MYO5B: variants seen among roughly 807,000 people sequenced by gnomAD.
MYO5B encodes myosin VB.
In MYO5B, 143 loss-of-function variants were observed where a neutral mutation model predicts 229.3. That is an observed-to-expected ratio of 0.62 (90% confidence interval 0.54 to 0.72). The LOEUF (loss-of-function observed/expected upper bound fraction) is 0.72. Among genes scored for constraint, MYO5B ranks in the 30% least tolerant of loss-of-function variants. MYO5B has a pLI of 0.00. For missense variants in MYO5B, 2,321 were observed against 2,331.0 expected, an observed-to-expected ratio of 1.00 and a Z score of 0.09; for synonymous variants, 918 against 885.2, an observed-to-expected ratio of 1.04 and a Z score of -0.66.
At chr18:49,887,938 A>G (rs9304390) in intron 22 of MYO5B, among the ~76,000 whole-genome samples, 88,194 of 151,730 alleles carry the variant, frequency 0.58, 25,779 homozygotes, top group Middle Eastern at 0.67. Flanking sequence ...CACCCACCTC[A>G]GCCTCCCAAA....
intron 9 of MYO5B, among the ~76,000 whole-genome samples, 187 bp from the exon 10 acceptor site, chr18:49,974,802 C>CACACACACACACACACACACAA (rs2025731824): frequency 6.7e-6 from 1 of 148,554 alleles, no homozygotes; most frequent in South Asian, 2.1e-4. Flanking sequence ...CACACAGACA[C>CACACACACACACACACACACAA]ACACACACAC....
chr18:50,085,518 G>A (rs1253006909), intron 1 of MYO5B, among the ~76,000 whole-genome samples: 2 of 151,878 alleles, frequency 1.3e-5, no homozygotes, highest in African/African-American at 4.8e-5. Context: ...GATTCCTCAG[G>A]GATCTAGAAC....
intron 14 of MYO5B, among the ~76,000 whole-genome samples, chr18:49,948,823 G>A (rs1336152511): frequency 3.3e-5 from 5 of 152,098 alleles, no homozygotes; most frequent in South Asian, 2.1e-4. Flanking sequence ...CTGTTCCTGC[G>A]ACTCCTGTGC....
At chr18:49,878,211 G>A (rs115880615) in intron 24 of MYO5B, among the ~76,000 whole-genome samples, 3 of 152,082 alleles carry the variant, frequency 2.0e-5, no homozygotes, top group Admixed American at 2.0e-4. Flanking sequence ...CTTCTCCCTT[G>A]AAAGGAATGT....
At position 49,962,317 on chromosome 18, in the gene MYO5B, G is replaced by T; in HGVS notation, c.1494C>A (p.Asp498Glu). 6.2e-7 allele frequency: 1 copy of T among 1,614,170 alleles called. No individual in the cohort carries two copies. Among genetic ancestry groups the T allele is most frequent in the Non-Finnish European group, 8.5e-7 (1 of 1,180,018 alleles). Residue 498 changes from aspartate to glutamate, a missense_variant, in exon 12 of 40, where the codon GAC becomes GAA. Asp to Glu is a conservative substitution (Grantham distance 45, BLOSUM62 2). Transcript: ENST00000285039. ...IDFYDNQPCI[D>E]LIEAKLGILD... ...AGATACCCAGCTTGGCTTCAATGAG[G>T]TCGATACAAGGTTGGTTATCATAAA... is the stretch of plus-strand genomic sequence containing the variant.
intron 1 of MYO5B, among the ~76,000 whole-genome samples, chr18:50,112,772 C>T (rs2031889528): frequency 6.6e-6 from 1 of 152,156 alleles, no homozygotes; most frequent in Admixed American, 6.5e-5. Context: ...AGTAACATCC[C>T]TATTGTCAAA....
At chr18:49,989,979 G>GCT (rs1254693892) in intron 7 of MYO5B, among the ~76,000 whole-genome samples, 2 of 152,096 alleles carry the variant, frequency 1.3e-5, no homozygotes, top group Admixed American at 1.3e-4. Context: ...CATCCATATG[G>GCT]CTCTAGAGCC....
chr18:49,875,877 T>C (rs1331943697), intron 25 of MYO5B, 50 bp from the exon 26 acceptor site: 7 of 1,608,716 alleles, frequency 4.4e-6, no homozygotes, highest in Non-Finnish European at 5.1e-6. Flanking sequence ...ATACATGCCT[T>C]AGGGAACACA....
In MYO5B at chr18:50,122,461, A is replaced by AAG. The variant is rs2032075736; in HGVS notation, c.28-67084_28-67083insCT. Among the ~76,000 whole-genome samples the AAG allele has an allele frequency of 2.7e-5, 4 of 147,262 alleles. No individual in the cohort carries two copies. In the South Asian group the frequency reaches 8.9e-4, roughly 33 times the overall value. On this transcript the variant is annotated intron_variant, in intron 1 of 39. Coordinates refer to ENST00000285039, the MANE Select transcript of MYO5B (RefSeq NM_001080467.3). Reference sequence around the variant, plus strand: ...AACTAAAAAAAAAAAAAAAAAAAAAATCAGCCAGGTGTGGTGGCAGGTGCC... The same window carrying AAG: ...AACTAAAAAAAAAAAAAAAAAAAAAAAGTCAGCCAGGTGTGGTGGCAGGTGCC...
Position 49,936,162 on chromosome 18 carries a change from C to A in MYO5B, c.2003+90G>T, listed in dbSNP as rs987007217. ...GTCCAGGTGGTCATCATGCTGAAGG[C>A]CACAGACCCCCAGGCAAGGCCTGGG... On this transcript the variant is annotated intron_variant, in intron 16 of 39. Transcript: ENST00000285039. 17 of 1,116,040 alleles carry A rather than the reference C, an allele frequency of 1.5e-5. No individual in the cohort carries two copies. The African/African-American group carries it at 2.6e-4, about 17-fold the overall frequency. The allele number at this position is 1,116,040 out of a possible 1,614,324, so 69.1% of individuals were successfully genotyped here. A position where few individuals can be genotyped will look rare whatever the true frequency, so the allele number is the denominator to read the frequency against.
At chr18:50,009,018 T>G (rs1192558392) in intron 4 of MYO5B, among the ~76,000 whole-genome samples, 1 of 152,176 alleles carries the variant, frequency 6.6e-6, no homozygotes, top group Non-Finnish European at 1.5e-5. Context: ...GTATTAATAC[T>G]TGGAAGACAG....
At chr18:50,049,858 C>T (rs2030344798) in intron 2 of MYO5B, among the ~76,000 whole-genome samples, 1 of 145,902 alleles carries the variant, frequency 6.9e-6, no homozygotes, top group Admixed American at 6.8e-5. Flanking sequence ...TAAATTAGAG[C>T]TTCAAGGGTA....
chr18:49,882,433 T>A (rs77392920), intron 22 of MYO5B, among the ~76,000 whole-genome samples: 2 of 151,552 alleles, frequency 1.3e-5, no homozygotes, highest in Admixed American at 1.3e-4. Flanking sequence ...ATCGAGATGA[T>A]CCTGGCCAAC....
At chr18:50,071,329 A>G (rs1267718207) in intron 1 of MYO5B, among the ~76,000 whole-genome samples, 1 of 152,130 alleles carries the variant, frequency 6.6e-6, no homozygotes, top group Admixed American at 6.5e-5. Context: ...CTTGAATTCT[A>G]CTATATTCAC....
chr18:50,164,971 G>A (rs1014442123), intron 1 of MYO5B, among the ~76,000 whole-genome samples: 1 of 152,198 alleles, frequency 6.6e-6, no homozygotes, highest in African/African-American at 2.4e-5. Context: ...TCCCACCAAC[G>A]CTCTTCTTTC....
chr18:49,994,004 A>G (rs1274269934), intron 5 of MYO5B, among the ~76,000 whole-genome samples: 3 of 151,838 alleles, frequency 2.0e-5, no homozygotes, highest in Non-Finnish European at 4.4e-5. Context: ...CCAAAGCCCT[A>G]TGCTCTCTCT....
At chr18:49,937,434 T>C (rs1197452846) in intron 14 of MYO5B, 37 bp from the exon 15 acceptor site, 5 of 1,608,126 alleles carry the variant, frequency 3.1e-6, no homozygotes, top group Non-Finnish European at 4.3e-6. Context: ...GAAAGTGACA[T>C]CTCCTGCACC....
chr18:49,957,672 C>A (rs11659322), intron 12 of MYO5B, among the ~76,000 whole-genome samples: 7 of 106,296 alleles, frequency 6.6e-5, no homozygotes, highest in Admixed American at 1.0e-4. Context: ...CAAAACAAAA[C>A]AAAAAAAGCC....
At chr18:49,983,809 C>T (rs138167143) in intron 8 of MYO5B, among the ~76,000 whole-genome samples, 159 of 152,218 alleles carry the variant, frequency 1.0e-3, no homozygotes, top group African/African-American at 3.6e-3. Context: ...GCTCTGGGAG[C>T]GTGGCAAATA....
Sources: gnomAD v4.1 joint callset for allele counts (sites outside exome capture counted in the v4.1 genomes callset) on GRCh38, gnomAD v4.1.1 for gene constraint, MANE v1.5 for transcripts, NCBI Gene and HGNC (gene_info 2026-07-23, HGNC 2026-07-21) for gene names.